CRADD: variants seen among roughly 807,000 people sequenced by gnomAD.
CRADD encodes the protein death domain-containing protein CRADD.
CRADD carries 9 observed loss-of-function variants against 15.5 expected under a neutral mutation model. The observed-to-expected ratio is 0.58, with a 90% CI of 0.35 to 1.01. The LOEUF (loss-of-function observed/expected upper bound fraction) is 1.01, where lower values mean the gene tolerates loss of function less well. Ranked by LOEUF, CRADD falls within the 50% of genes least tolerant of loss-of-function variation. The pLI, the probability that CRADD is intolerant of heterozygous loss-of-function variation, is 0.02. For synonymous variants in CRADD, 118 were observed against 107.6 expected, an observed-to-expected ratio of 1.10 and a Z score of -0.60; for missense variants, 227 against 250.3, an observed-to-expected ratio of 0.91 and a Z score of 0.63.
At chr12:93,816,429 G>T (rs1957698665) in intron 2 of CRADD, among the ~76,000 whole-genome samples, 1 of 123,182 alleles carries the variant, frequency 8.1e-6, no homozygotes, top group Non-Finnish European at 1.6e-5. Flanking sequence ...GTTTCACCAT[G>T]TTCGTCAGGC....
At chr12:93,796,334 A>C (rs67312395) in intron 2 of CRADD, among the ~76,000 whole-genome samples, 35,573 of 152,034 alleles carry the variant, frequency 0.23, 4,714 homozygotes, top group East Asian at 0.54. Context: ...GCTGGGCACG[A>C]TGGCTCACAC....
chr12:93,866,629 T>C (rs1240855516), intron 2 of CRADD, among the ~76,000 whole-genome samples: 1 of 152,176 alleles, frequency 6.6e-6, no homozygotes, highest in Non-Finnish European at 1.5e-5. Flanking sequence ...ATATTTAAAA[T>C]TGGGGCCCTA....
intron 2 of CRADD, among the ~76,000 whole-genome samples, chr12:93,748,733 A>G (rs1956796664): frequency 6.6e-6 from 1 of 152,232 alleles, no homozygotes; most frequent in Admixed American, 6.5e-5. Flanking sequence ...CCCCTTCGGG[A>G]CCTGCTTTTG....
At chr12:93,790,796 T>G (rs1311874638) in intron 2 of CRADD, 1 of 152,118 alleles carries the variant, frequency 6.6e-6, no homozygotes, top group Non-Finnish European at 1.5e-5. Context: ...GAATTGACTC[T>G]AGGTCCCAGA....
chr12:93,719,921 G>T (rs1956229226), intron 2 of CRADD, among the ~76,000 whole-genome samples: 1 of 151,836 alleles, frequency 6.6e-6, no homozygotes, highest in African/African-American at 2.4e-5. Context: ...GATTTCTTGT[G>T]TTCTCTTTCG....
intron 2 of CRADD, among the ~76,000 whole-genome samples, chr12:93,744,667 C>T (rs2136932519): frequency 6.6e-6 from 1 of 152,196 alleles, no homozygotes; most frequent in South Asian, 2.1e-4. Context: ...CATAAGCAGC[C>T]ATTTAAAAGA....
intron 2 of CRADD, among the ~76,000 whole-genome samples, chr12:93,842,473 T>G (rs146832746): frequency 4.6e-5 from 7 of 152,220 alleles, no homozygotes; most frequent in African/African-American, 9.6e-5. Context: ...CATCAGCTCC[T>G]GGAAAGGTGT....
In CRADD at chr12:93,795,617, C is replaced by T. The variant is rs533752115; in HGVS notation, c.299-54353C>T. On this transcript the variant is annotated intron_variant, in intron 2 of 2. Transcript: ENST00000332896. ...TCTGTTGGCTCCATTCACTCCTTTG[C>T]TCTAAGACTCACTTGTTTCTTCTTA... Among the ~76,000 whole-genome samples, 11 of 152,304 alleles carry T rather than the reference C, an allele frequency of 7.2e-5. No individual in the cohort carries two copies. The South Asian group carries it at 1.9e-3, about 26-fold the overall frequency.
intron 2 of CRADD, among the ~76,000 whole-genome samples, chr12:93,717,125 T>C (rs1424925585): frequency 6.6e-6 from 1 of 152,218 alleles, no homozygotes; most frequent in Non-Finnish European, 1.5e-5. Context: ...CTTAATGATA[T>C]ATGATGTTGA....
intron 2 of CRADD, among the ~76,000 whole-genome samples, chr12:93,746,398 C>G (rs564898070): frequency 2.0e-5 from 3 of 152,314 alleles, no homozygotes; most frequent in African/African-American, 7.2e-5. Context: ...TTCTAATATT[C>G]CAATATGCTC....
chr12:93,790,224 A>G (rs10859585), intron 2 of CRADD, among the ~76,000 whole-genome samples: 12,191 of 152,190 alleles, frequency 0.08, 527 homozygotes, highest in East Asian at 0.17. Flanking sequence ...AACAACATAC[A>G]TTATCATTTC....
At chr12:93,737,669 A>G (rs1411328054) in intron 2 of CRADD, 1 of 152,214 alleles carries the variant, frequency 6.6e-6, no homozygotes, top group African/African-American at 2.4e-5. Context: ...TCAATATAGT[A>G]GCCAGAAGAA....
At chr12:93,777,538 G>A (rs1283834753) in intron 2 of CRADD, among the ~76,000 whole-genome samples, 1 of 152,192 alleles carries the variant, frequency 6.6e-6, no homozygotes. Context: ...GGTCACCAAC[G>A]AAGATGAGGC....
intron 2 of CRADD, among the ~76,000 whole-genome samples, chr12:93,866,090 G>A (rs1321162175): frequency 1.3e-5 from 2 of 151,926 alleles, no homozygotes; most frequent in African/African-American, 4.8e-5. Context: ...TGATTCCAAT[G>A]TTCTTAAATT....
chr12:93,745,629 T>C (rs772150254), intron 2 of CRADD, among the ~76,000 whole-genome samples: 1 of 152,244 alleles, frequency 6.6e-6, no homozygotes, highest in Non-Finnish European at 1.5e-5. Context: ...TAATCCAATC[T>C]TAGCCATATA....
intron 1 of CRADD, 28 bp downstream of exon 1, chr12:93,677,500 G>A (rs1395406769): frequency 6.6e-6 from 1 of 152,256 alleles, no homozygotes; most frequent in Non-Finnish European, 1.5e-5. Context: ...ATCTTTCTTT[G>A]AAAGTCCTGC....
rs565479310 is a variant in CRADD, at chr12:93,791,022, C to G, written c.299-58948C>G. Among the ~76,000 whole-genome samples, 47 of 152,046 alleles carry G rather than the reference C, an allele frequency of 3.1e-4. No homozygotes were observed. In the South Asian group the frequency reaches 6.2e-3, roughly 20 times the overall value. On this transcript the variant is annotated intron_variant, in intron 2 of 2. Transcript: ENST00000332896. ...CATTCATACATTGGGGTTGGGATCT[C>G]TGCTACCACAGGAGCTGTTGCAGAG...
chr12:93,778,265 A>G (rs1957161577), intron 2 of CRADD, among the ~76,000 whole-genome samples: 1 of 152,228 alleles, frequency 6.6e-6, no homozygotes, highest in Admixed American at 6.5e-5. Flanking sequence ...CCTTTCCAAG[A>G]AATAACTTTT....
intron 2 of CRADD, among the ~76,000 whole-genome samples, chr12:93,787,305 G>GTTTTTTT (rs34146137): frequency 8.0e-6 from 1 of 124,742 alleles, no homozygotes. Context: ...GTATGACAGG[G>GTTTTTTT]TTTTTTTTTT....
Sources: allele counts gnomAD v4.1 joint callset (sites outside exome capture counted in the v4.1 genomes callset), GRCh38; gene constraint gnomAD v4.1.1; transcripts MANE v1.5; gene names NCBI Gene and HGNC (gene_info 2026-07-23, HGNC 2026-07-21).